USP13: variants seen among roughly 807,000 people sequenced by gnomAD.
USP13 encodes ubiquitin carboxyl-terminal hydrolase 13.
Under a neutral mutation model 107.8 loss-of-function variants are expected in USP13, and 68 were observed. The observed-to-expected ratio is 0.63, with a 90% CI of 0.52 to 0.77. USP13 has a LOEUF of 0.77. Among genes scored for constraint, USP13 ranks in the 30% least tolerant of loss-of-function variants. USP13 has a pLI of 0.00. For synonymous variants in USP13, 377 were observed against 389.5 expected (o/e 0.97, Z 0.38); for missense variants, 945 against 1,093.3 (o/e 0.86, Z 1.91).
chr3:179,743,074 G>T (rs1038632059), intron 12 of USP13, among the ~76,000 whole-genome samples: 16 of 152,196 alleles, frequency 1.1e-4, no homozygotes, highest in African/African-American at 3.6e-4. Context: ...CCACTATGCA[G>T]CCATGAAAAG....
chr3:179,677,537 G>A (rs28449438), intron 1 of USP13, among the ~76,000 whole-genome samples: 49 of 152,082 alleles, frequency 3.2e-4, no homozygotes, highest in African/African-American at 1.1e-3. Context: ...CCAAGATCGC[G>A]CCATTGCATT....
rs541922733 is a variant in USP13 at position 179,672,594 on chromosome 3, G to A, written c.169-9284G>A. 3.9e-5 allele frequency among the ~76,000 whole-genome samples: 6 copies of A among 152,036 alleles called. No individual in the cohort carries two copies. In the East Asian group the frequency reaches 7.7e-4, roughly 20 times the overall value. On this transcript the variant is annotated intron_variant, in intron 1 of 20. Coordinates refer to ENST00000263966, the MANE Select transcript of USP13 (RefSeq NM_003940.3). ...ACTACAGGTGTGTACCACTATTCCC[G>A]GCTAATTTCTTGGTATTTTAGTAGA...
chr3:179,774,385 G>A (rs748863316), intron 19 of USP13, among the ~76,000 whole-genome samples: 2 of 152,140 alleles, frequency 1.3e-5, no homozygotes, highest in Admixed American at 6.5e-5. Context: ...TGGTGTGTCC[G>A]CAGTTTGTTC....
At chr3:179,696,392 A>G (rs1712327685) in intron 3 of USP13, among the ~76,000 whole-genome samples, 1 of 130,970 alleles carries the variant, frequency 7.6e-6, no homozygotes, top group African/African-American at 2.9e-5. Flanking sequence ...GTGCAATGGC[A>G]TGATCTTGGC....
At chr3:179,783,183 A>G (rs186748788) in intron 20 of USP13, among the ~76,000 whole-genome samples, 1 of 152,338 alleles carries the variant, frequency 6.6e-6, no homozygotes, top group African/African-American at 2.4e-5. Context: ...TTTTAAAAGC[A>G]ATAAAATTCA....
chr3:179,701,650 G>A (rs368889980), intron 4 of USP13, among the ~76,000 whole-genome samples: 5 of 152,354 alleles, frequency 3.3e-5, no homozygotes, highest in African/African-American at 1.2e-4. Flanking sequence ...CAGATCTGCG[G>A]GAGCTCTGGG....
chr3:179,682,911 T>A (rs1711716340), intron 2 of USP13, among the ~76,000 whole-genome samples: 1 of 152,216 alleles, frequency 6.6e-6, no homozygotes, highest in African/African-American at 2.4e-5. Context: ...AGAGTGATTG[T>A]ACCTATTTAC....
rs1168776090 is a variant in USP13 at position 179,765,861 on chromosome 3, C to T, written c.2413+13C>T. ...GATGGATCTGGAAGTAAGTTCTTGC[C>T]TTAGAGGCTGTCTGAGCAGTCAGAA... On this transcript the variant is annotated intron_variant, in intron 19 of 20. Coordinates refer to ENST00000263966, the MANE Select transcript of USP13 (RefSeq NM_003940.3). 1 of 1,612,778 alleles carries T rather than the reference C, an allele frequency of 6.2e-7. No homozygotes were observed.
intron 2 of USP13, 45 bp downstream of exon 2, chr3:179,682,048 T>C (rs1030644385): frequency 6.4e-7 from 1 of 1,574,324 alleles, no homozygotes; most frequent in Non-Finnish European, 8.7e-7. Flanking sequence ...GTCTTCCCTG[T>C]AACGTTGTCT....
intron 3 of USP13, among the ~76,000 whole-genome samples, chr3:179,698,939 G>A (rs1331328237): frequency 1.3e-5 from 2 of 149,192 alleles, no homozygotes; most frequent in Admixed American, 6.7e-5. Context: ...GTGCAATCTC[G>A]GCTCACTGCA....
rs1560035607 is a variant in USP13, at chr3:179,653,528, G to T, written c.168+135G>T. On this transcript the variant is annotated intron_variant, in intron 1 of 20. Coordinates refer to ENST00000263966, the MANE Select transcript of USP13 (RefSeq NM_003940.3). The surrounding 1 kb of genome is among the most constrained non-coding windows in gnomAD (Gnocchi z 4.0). Reference sequence around the variant, plus strand: ...GCAGAGTTGGCTCAGGAACACTGCAGTTCGGCAGACACTTAGTGAGCGCCC... The same window carrying T: ...GCAGAGTTGGCTCAGGAACACTGCATTTCGGCAGACACTTAGTGAGCGCCC... The T allele has an allele frequency of 7.1e-6, 9 of 1,263,950 alleles. No individual in the cohort carries two copies. Among genetic ancestry groups the T allele is most frequent in the African/African-American group, 1.5e-5 (1 of 65,430 alleles). The allele number at this position is 1,263,950 out of a possible 1,614,324, so 78.3% of individuals were successfully genotyped here.
In USP13 at chr3:179,671,383, A is replaced by G. The variant is rs957737443; in HGVS notation, c.169-10495A>G. On this transcript the variant is annotated intron_variant, in intron 1 of 20. Transcript: ENST00000263966. Reference sequence around the variant, plus strand: ...ATTCAGTTAAAAAACTTTTATTTATATTTTAATTAAAAAATGAATCTATGT... The same window carrying G: ...ATTCAGTTAAAAAACTTTTATTTATGTTTTAATTAAAAAATGAATCTATGT... 1.3e-5 allele frequency among the ~76,000 whole-genome samples: 2 copies of G among 152,160 alleles called. 1 individual carries two copies. Among genetic ancestry groups the G allele is most frequent in the South Asian group, 4.1e-4 (2 of 4,826 alleles).
At chr3:179,741,521 AT>A (rs11284431) in intron 11 of USP13, among the ~76,000 whole-genome samples, 118,501 of 151,590 alleles carry the variant, frequency 0.78, 46,696 homozygotes, top group East Asian at 0.93. Context: ...TGCCTGGCTA[AT>A]TTTTTTGTAT....
In USP13 at chr3:179,730,267, G is replaced by A. The variant is rs1713752566; in HGVS notation, c.1160+7G>A. On this transcript the variant is annotated splice_region_variant and intron_variant, in intron 9 of 20. Transcript: ENST00000263966. Reference sequence around the variant, plus strand: ...AAGATTTCAACACACAGATGTAAGTGCCAGATTTGTATTTTTTTTTTTCTA... The same window carrying A: ...AAGATTTCAACACACAGATGTAAGTACCAGATTTGTATTTTTTTTTTTCTA... 8 of 1,535,384 alleles carry A rather than the reference G, an allele frequency of 5.2e-6. No individual in the cohort carries two copies. The South Asian group carries it at 7.1e-5, about 14-fold the overall frequency.
At chr3:179,694,581 T>C (rs1294160809) in intron 3 of USP13, among the ~76,000 whole-genome samples, 1 of 151,896 alleles carries the variant, frequency 6.6e-6, no homozygotes, top group East Asian at 2.0e-4. Flanking sequence ...GGTGGGTGGA[T>C]CACCTGAGGT....
intron 15 of USP13, among the ~76,000 whole-genome samples, chr3:179,755,313 G>C (rs1393525428): frequency 6.9e-6 from 1 of 145,258 alleles, no homozygotes; most frequent in African/African-American, 2.5e-5. Flanking sequence ...TTTTTTTTTT[G>C]AGGTGGAGCC....
chr3:179,699,742 A>ATTTTT (rs370149116), intron 3 of USP13, among the ~76,000 whole-genome samples: 2 of 132,432 alleles, frequency 1.5e-5, no homozygotes, highest in African/African-American at 3.1e-5. Context: ...GCTGTATCTT[A>ATTTTT]TTTATTTTAT....
chr3:179,753,274 T>TA (rs1225222796), intron 14 of USP13, among the ~76,000 whole-genome samples: 1 of 152,232 alleles, frequency 6.6e-6, no homozygotes, highest in Non-Finnish European at 1.5e-5. Context: ...CACTAACAGT[T>TA]ACGCAGCACT....
intron 1 of USP13, among the ~76,000 whole-genome samples, chr3:179,677,632 TA>T (rs887843736): frequency 5.9e-5 from 9 of 152,228 alleles, no homozygotes; most frequent in African/African-American, 2.2e-4. Context: ...CCCTAATAAG[TA>T]AAAAACTCTT....
Sources: gnomAD v4.1 joint callset for allele counts (sites outside exome capture counted in the v4.1 genomes callset) on GRCh38, gnomAD v4.1.1 for gene constraint, Gnocchi (gnomAD v3.1) non-coding constraint, MANE v1.5 for transcripts, NCBI Gene and HGNC (gene_info 2026-07-23, HGNC 2026-07-21) for gene names.